The following SHISAL2B variants were observed in gnomAD, a reference collection of about 807,000 sequenced individuals.
The protein encoded by SHISAL2B is protein shisa-like-2B.
SHISAL2B carries 12 observed loss-of-function variants against 16.5 expected under a neutral mutation model. The ratio of observed to expected loss-of-function variants is 0.73; its 90% CI spans 0.47 to 1.18. SHISAL2B has a LOEUF of 1.18. SHISAL2B is among the 50% of genes most tolerant of loss of function. The pLI is 0.00. For missense variants in SHISAL2B, 183 were observed against 193.6 expected (o/e 0.95, Z 0.33); for synonymous variants, 72 against 75.0 (o/e 0.96, Z 0.21).
At chr5:64,714,428 C>T (rs1312790615) in intron 2 of SHISAL2B, among the ~76,000 whole-genome samples, 1 of 149,022 alleles carries the variant, frequency 6.7e-6, no homozygotes, top group African/African-American at 2.6e-5. Context: ...CTGGGAGAAC[C>T]ACTGCTCTCT....
intron 1 of SHISAL2B, among the ~76,000 whole-genome samples, chr5:64,692,065 T>C (rs1580516655): frequency 6.6e-6 from 1 of 152,352 alleles, no homozygotes; most frequent in Admixed American, 6.5e-5. Context: ...TGTATTTTGC[T>C]GGACAGGGGC....
chr5:64,696,727 A>T (rs912673543), intron 2 of SHISAL2B, among the ~76,000 whole-genome samples: 4 of 152,174 alleles, frequency 2.6e-5, no homozygotes, highest in Admixed American at 6.5e-5. Context: ...TTGAGGTCAG[A>T]CCGGTTCTCT....
chr5:64,700,311 C>T (rs539233790), intron 2 of SHISAL2B, among the ~76,000 whole-genome samples: 15 of 152,132 alleles, frequency 9.9e-5, no homozygotes, highest in Non-Finnish European at 1.9e-4. Flanking sequence ...GAGATTGGTT[C>T]GAAGACCCCC....
chr5:64,709,265 C>G (rs1741918833), intron 2 of SHISAL2B, among the ~76,000 whole-genome samples: 1 of 147,944 alleles, frequency 6.8e-6, no homozygotes, highest in Admixed American at 6.8e-5. Context: ...TCAATTCCCA[C>G]CTATGAGTGA....
chr5:64,690,608 C>T lies in SHISAL2B; in HGVS notation c.-16C>T, dbSNP rs534491670. 1.0e-4 allele frequency: 146 copies of T among 1,467,294 alleles called. 3 individuals are homozygous for T. The South Asian group carries it at 1.9e-3, about 19-fold the overall frequency. 90.9% of individuals were successfully genotyped at this position (1,467,294 alleles called of 1,614,324 possible). A position where few individuals can be genotyped will look rare whatever the true frequency, so the allele number is the denominator to read the frequency against. On this transcript the variant is annotated 5_prime_UTR_variant, in exon 1 of 3. Transcript: ENST00000389074. Reference sequence around the variant, plus strand: ...AGACCGGGGCCCTCGCGAGCCTCTCCCGGCCCCTGCCCGCGATGAGCGAGG... The same window carrying T: ...AGACCGGGGCCCTCGCGAGCCTCTCTCGGCCCCTGCCCGCGATGAGCGAGG...
intron 1 of SHISAL2B, 77 bp from the exon 2 acceptor site, chr5:64,695,430 T>G: frequency 1.1e-6 from 1 of 950,678 alleles, no homozygotes; most frequent in Non-Finnish European, 1.5e-6. Context: ...GAATTAACAA[T>G]ATATTTATGC....
chr5:64,695,923 T>G (rs529749294), intron 2 of SHISAL2B, among the ~76,000 whole-genome samples: 1 of 152,356 alleles, frequency 6.6e-6, no homozygotes, highest in Non-Finnish European at 1.5e-5. Context: ...TTTAAATATA[T>G]TTATGTTCCT....
At chr5:64,716,646 T>C (rs1742057799) in intron 2 of SHISAL2B, among the ~76,000 whole-genome samples, 1 of 152,126 alleles carries the variant, frequency 6.6e-6, no homozygotes, top group African/African-American at 2.4e-5. Flanking sequence ...AAGTGAGTTA[T>C]TGTGCAGATT....
intron 2 of SHISAL2B, among the ~76,000 whole-genome samples, chr5:64,714,542 C>T (rs1421140848): frequency 6.6e-6 from 1 of 151,814 alleles, no homozygotes; most frequent in East Asian, 1.9e-4. Flanking sequence ...GGCAGGCAGG[C>T]CTCCTTGAGC....
At chr5:64,700,055 A>C (rs1484586157) in intron 2 of SHISAL2B, among the ~76,000 whole-genome samples, 2 of 152,220 alleles carry the variant, frequency 1.3e-5, no homozygotes, top group African/African-American at 4.8e-5. Context: ...GCATGCTTCA[A>C]ATGCCAATGT....
intron 2 of SHISAL2B, among the ~76,000 whole-genome samples, chr5:64,700,086 G>A (rs149608791): frequency 6.6e-6 from 1 of 152,300 alleles, no homozygotes; most frequent in African/African-American, 2.4e-5. Context: ...ACCATTGCTT[G>A]TAAATTGTTC....
intron 2 of SHISAL2B, among the ~76,000 whole-genome samples, chr5:64,697,907 C>T (rs1210386443): frequency 6.6e-6 from 1 of 152,210 alleles, no homozygotes; most frequent in Non-Finnish European, 1.5e-5. Flanking sequence ...TCATTTCCTT[C>T]TCTGTAGAGG....
chr5:64,705,399 C>T (rs193240815), intron 2 of SHISAL2B, among the ~76,000 whole-genome samples: 4 of 152,180 alleles, frequency 2.6e-5, no homozygotes, highest in Non-Finnish European at 5.9e-5. Flanking sequence ...GACAAAACAC[C>T]TTGAACGTCT....
In SHISAL2B at chr5:64,705,662, A is replaced by G. The variant is rs113469649; in HGVS notation, c.349+9998A>G. ...ATTAAACAAGTGAAAAATAACCTAC[A>G]AACACCTTAATTTGATTTTCAAATA... On this transcript the variant is annotated intron_variant, in intron 2 of 2. Transcript: ENST00000389074. Among the ~76,000 whole-genome samples the G allele has an allele frequency of 4.4e-3, 676 of 152,338 alleles. 4 individuals carry two copies. Among genetic ancestry groups the G allele is most frequent in the African/African-American group, 0.015 (635 of 41,576 alleles).
At chr5:64,702,713 A>G (rs1054434914) in intron 2 of SHISAL2B, among the ~76,000 whole-genome samples, 12 of 152,052 alleles carry the variant, frequency 7.9e-5, no homozygotes, top group African/African-American at 2.7e-4. Flanking sequence ...CATTTTTCTT[A>G]TACTTAAATC....
intron 1 of SHISAL2B, among the ~76,000 whole-genome samples, 187 bp downstream of exon 1, chr5:64,691,001 C>T (rs185192466): frequency 2.0e-5 from 3 of 152,346 alleles, no homozygotes; most frequent in Admixed American, 6.5e-5. Flanking sequence ...CGCCCCGGCT[C>T]GGAGCTCCCC....
At chr5:64,714,918 C>A (rs979521969) in intron 2 of SHISAL2B, among the ~76,000 whole-genome samples, 1 of 152,106 alleles carries the variant, frequency 6.6e-6, no homozygotes, top group Non-Finnish European at 1.5e-5. Context: ...GTGCGTGCAC[C>A]CACTGGCCTG....
intron 2 of SHISAL2B, among the ~76,000 whole-genome samples, chr5:64,714,673 T>C (rs1255755636): frequency 6.6e-6 from 1 of 152,184 alleles, no homozygotes; most frequent in Non-Finnish European, 1.5e-5. Flanking sequence ...CTCAGACTGC[T>C]GTGCTAGCAA....
At chr5:64,696,175 G>T (rs1400397951) in intron 2 of SHISAL2B, among the ~76,000 whole-genome samples, 1 of 152,182 alleles carries the variant, frequency 6.6e-6, no homozygotes, top group African/African-American at 2.4e-5. Flanking sequence ...AAATTGTGAA[G>T]ATTTCATTTT....
Sources: gnomAD v4.1 joint callset for allele counts (sites outside exome capture counted in the v4.1 genomes callset) on GRCh38, gnomAD v4.1.1 for gene constraint, MANE v1.5 for transcripts, NCBI Gene and HGNC (gene_info 2026-07-23, HGNC 2026-07-21) for gene names.